XIRP2: variants seen among roughly 807,000 people sequenced by gnomAD.
XIRP2 encodes the protein xin actin binding repeat containing 2, also known as xin actin-binding repeat-containing protein 2.
A neutral mutation model predicts 277.0 loss-of-function variants in XIRP2; 236 were observed. That is an observed-to-expected ratio of 0.85 (90% CI 0.77 to 0.95). The LOEUF is 0.95. Ranked by LOEUF, XIRP2 falls within the 40% of genes least tolerant of loss-of-function variation. The pLI is 0.00. For missense variants in XIRP2, 4,640 were observed against 4,157.5 expected, an observed-to-expected ratio of 1.12 and a Z score of -3.19; for synonymous variants, 1,490 against 1,416.5, an observed-to-expected ratio of 1.05 and a Z score of -1.17.
intron 2 of XIRP2, among the ~76,000 whole-genome samples, chr2:167,024,611 A>T (rs1688094795): frequency 1.3e-5 from 2 of 152,072 alleles, no homozygotes; most frequent in South Asian, 4.1e-4. Flanking sequence ...AGCTCTTATT[A>T]TTTTGAGATA....
In XIRP2 at chr2:167,251,423, C is replaced by T. The variant is rs930761574; in HGVS notation, c.10031C>T (p.Pro3344Leu). ...TGGTTCAGGGAATTTGAGCATGGCC[C>T]AGTTTCTGAAGCAAAGTCAAATAGA... ...NRWFREFEHG[P>L]VSEAKSNRRV... The change falls in exon 9 of 11, where the codon CCA (proline) becomes CTA (leucine). Residue 3344 changes from proline (P) to leucine (L), a missense_variant. Coordinates refer to ENST00000409195, the MANE Select transcript of XIRP2 (RefSeq NM_152381.6). 1 of 1,613,578 alleles carries T rather than the reference C, an allele frequency of 6.2e-7. No homozygotes were observed. The highest frequency in any genetic ancestry group is 8.5e-7 in the Non-Finnish European group (1 of 1,179,690).
chr2:167,074,056 A>G (rs1689501709), intron 2 of XIRP2, among the ~76,000 whole-genome samples: 1 of 152,288 alleles, frequency 6.6e-6, no homozygotes, highest in South Asian at 2.1e-4. Context: ...TAAATTTGAG[A>G]TAGTATTAAG....
rs1383221180 is a variant in XIRP2, at chr2:167,246,621, T to G, written c.5229T>G (p.Val1743=). ...TTGATGCCTCTGAGAGAGGAAATGT[T>G]CAGTTTTTCACAACCTGCATAGAAG... The part of the protein sequence containing the change: ...AKIDASERGN[V]QFFTTCIEAG... The change falls in exon 9 of 11, where the codon GTT becomes GTG. Residue 1743 remains valine (V), a synonymous_variant. Coordinates refer to ENST00000409195, the MANE Select transcript of XIRP2 (RefSeq NM_152381.6). 2 of 1,613,830 alleles carry G rather than the reference T, an allele frequency of 1.2e-6. No homozygotes were observed. The highest frequency in any genetic ancestry group is 8.5e-7 in the Non-Finnish European group (1 of 1,179,868).
intron 6 of XIRP2, 81 bp from the exon 7 acceptor site, chr2:167,240,583 T>G: frequency 8.1e-7 from 1 of 1,234,010 alleles, no homozygotes; most frequent in Non-Finnish European, 1.2e-6. Flanking sequence ...AAAATCACTG[T>G]AAAATGAAGA....
chr2:167,159,315 A>G (rs535671595), intron 3 of XIRP2, among the ~76,000 whole-genome samples: 1 of 152,224 alleles, frequency 6.6e-6, no homozygotes, highest in African/African-American at 2.4e-5. Flanking sequence ...GAAATATTCT[A>G]TTATGACAAA....
At chr2:167,179,286 C>G (rs1421884407) in intron 3 of XIRP2, among the ~76,000 whole-genome samples, 1 of 151,522 alleles carries the variant, frequency 6.6e-6, no homozygotes, top group Non-Finnish European at 1.5e-5. Flanking sequence ...TAGTCGCTTC[C>G]CCAGTGAGGA....
Position 167,258,008 on chromosome 2 carries a change from T to G in XIRP2, c.*191T>G, listed in dbSNP as rs1159878321. The G allele has an allele frequency of 6.2e-7, 1 of 1,613,198 alleles. No individual in the cohort carries two copies. Among genetic ancestry groups the G allele is most frequent in the Admixed American group, 1.7e-5 (1 of 59,888 alleles). On this transcript the variant is annotated 3_prime_UTR_variant, in exon 11 of 11. Coordinates refer to ENST00000409195, the MANE Select transcript of XIRP2 (RefSeq NM_152381.6). ...CAAAAACCAAAGCAGATCAGTGGAC[T>G]TTATTCCTAATGAAGAACCAAATAT...
At position 167,066,956 on chromosome 2, in the gene XIRP2, T is replaced by G. The variant is rs548014851; in HGVS notation, c.409-68953T>G. On this transcript the variant is annotated intron_variant, in intron 2 of 10. Coordinates refer to ENST00000409195, the MANE Select transcript of XIRP2 (RefSeq NM_152381.6). ...CTGTAGATAACACATCTTTTTTCCT[T>G]TGGCTTATTTTTTCTTTATTGCTGG... Among the ~76,000 whole-genome samples the G allele has an allele frequency of 2.0e-5, 3 of 152,262 alleles. No individual in the cohort carries two copies. The South Asian group carries it at 6.2e-4, about 32-fold the overall frequency.
chr2:167,058,265 G>A (rs1294850905), intron 2 of XIRP2, among the ~76,000 whole-genome samples: 1 of 151,602 alleles, frequency 6.6e-6, no homozygotes, highest in Non-Finnish European at 1.5e-5. Context: ...TTTATTGTTG[G>A]TTTTTTAGAC....
rs1478655345 is a variant in XIRP2, at chr2:167,249,863, G to A, written c.8471G>A (p.Gly2824Glu). The change falls in exon 9 of 11, where the codon GGA (glycine) becomes GAA (glutamate). Residue 2824 changes from glycine to glutamate, a missense_variant. Physicochemically the swap from Gly to Glu is moderately conservative, Grantham distance 98. Transcript: ENST00000409195. ...CCAGGAAGTGAAGAAAAAAATCAGG[G>A]ACCATCAATGATTGGTCGAAAAGAA... Reference protein sequence around the residue: ...KLPGSEEKNQGPSMIGRKEER... With the variant: ...KLPGSEEKNQEPSMIGRKEER... 8 of 1,613,470 alleles carry A rather than the reference G, an allele frequency of 5.0e-6. No individual in the cohort carries two copies. The highest frequency in any genetic ancestry group is 6.8e-6 in the Non-Finnish European group (8 of 1,179,724).
chr2:167,183,106 G>A (rs1431425494), intron 3 of XIRP2, among the ~76,000 whole-genome samples: 4 of 152,130 alleles, frequency 2.6e-5, no homozygotes, highest in East Asian at 1.9e-4. Flanking sequence ...ACCTAATGTC[G>A]TATATCAACT....
At chr2:166,932,046 A>G (rs1685355293) in intron 2 of XIRP2, among the ~76,000 whole-genome samples, 1 of 152,122 alleles carries the variant, frequency 6.6e-6, no homozygotes, top group African/African-American at 2.4e-5. Flanking sequence ...TATCGCACAT[A>G]TGGATATCTT....
chr2:167,048,278 G>A (rs1234935469), intron 2 of XIRP2, among the ~76,000 whole-genome samples: 2 of 151,824 alleles, frequency 1.3e-5, no homozygotes, highest in East Asian at 3.9e-4. Context: ...TGCAAAACTT[G>A]TTCTGCAAAA....
At chr2:167,116,063 A>C (rs1028751946) in intron 2 of XIRP2, among the ~76,000 whole-genome samples, 1 of 152,190 alleles carries the variant, frequency 6.6e-6, no homozygotes, top group Admixed American at 6.5e-5. Flanking sequence ...AATATGGTCT[A>C]TCTTGGTATA....
At chr2:166,934,697 C>A (rs1164325281) in intron 2 of XIRP2, among the ~76,000 whole-genome samples, 2 of 152,096 alleles carry the variant, frequency 1.3e-5, no homozygotes, top group African/African-American at 4.8e-5. Flanking sequence ...TATGGACACA[C>A]CTCTGCCACT....
At chr2:167,233,234 A>G (rs1183835859) in intron 5 of XIRP2, among the ~76,000 whole-genome samples, 5 of 151,970 alleles carry the variant, frequency 3.3e-5, no homozygotes. Context: ...GAGTGTAGTG[A>G]GGAATAATTG....
At position 167,249,475 on chromosome 2, in the gene XIRP2, C is replaced by T. The variant is rs1302043760; in HGVS notation, c.8083C>T (p.Gln2695Ter). 2 of 1,613,804 alleles carry T rather than the reference C, an allele frequency of 1.2e-6. No individual in the cohort carries two copies. Among genetic ancestry groups the T allele is most frequent in the Admixed American group, 3.3e-5 (2 of 59,982 alleles). Residue 2695 changes from glutamine to a stop codon, truncating the protein, a stop_gained, in exon 9 of 11, where the codon CAG (glutamine) becomes TAG (stop). Transcript: ENST00000409195. LOFTEE classifies it high-confidence loss of function. ...AACACAACAGAAGAAGTATTTGGAG[C>T]AGTTGCACTTGCCCCAAAGCAAACC... ...QQTQQKKYLE[Q>*]LHLPQSKPIS...
chr2:167,013,391 T>C (rs1279709387), intron 2 of XIRP2, among the ~76,000 whole-genome samples: 1 of 151,492 alleles, frequency 6.6e-6, no homozygotes, highest in Admixed American at 6.6e-5. Flanking sequence ...CTCTTTCTTA[T>C]ATACTGATGC....
At chr2:166,935,847 G>C (rs910052947) in intron 2 of XIRP2, among the ~76,000 whole-genome samples, 3 of 152,152 alleles carry the variant, frequency 2.0e-5, no homozygotes, top group Non-Finnish European at 4.4e-5. Flanking sequence ...AGTCTTTGCT[G>C]TTGTGAATAG....
Sources: gnomAD v4.1 joint callset for allele counts (sites outside exome capture counted in the v4.1 genomes callset) on GRCh38, gnomAD v4.1.1 for gene constraint, MANE v1.5 for transcripts, NCBI Gene and HGNC (gene_info 2026-07-23, HGNC 2026-07-21) for gene names.